CNTD1: variants seen among roughly 807,000 people sequenced by gnomAD.
CNTD1 encodes cyclin N-terminal domain-containing protein 1.
CNTD1 carries 17 observed loss-of-function variants against 36.3 expected under a neutral mutation model. That is an observed-to-expected ratio of 0.47 (90% CI 0.32 to 0.70). The LOEUF (loss-of-function observed/expected upper bound fraction) is 0.70, where lower values mean the gene tolerates loss of function less well. Among genes scored for constraint, CNTD1 ranks in the 30% least tolerant of loss-of-function variants. The probability of loss-of-function intolerance (pLI) is 0.03; values close to 1 mark genes in which losing one functional copy is unlikely to be tolerated. For synonymous variants in CNTD1, 128 were observed against 153.3 expected (o/e 0.83, Z 1.22); for missense variants, 338 against 386.1 (o/e 0.88, Z 1.04).
chr17:42,799,492 C>A (rs1487490538), intron 1 of CNTD1, among the ~76,000 whole-genome samples: 1 of 151,994 alleles, frequency 6.6e-6, no homozygotes, highest in African/African-American at 2.4e-5. Flanking sequence ...TGGCTTACAC[C>A]TGTAATCCCA....
intron 6 of CNTD1, 60 bp from the exon 7 acceptor site, chr17:42,809,305 T>C: frequency 7.1e-7 from 1 of 1,417,178 alleles, no homozygotes; most frequent in East Asian, 2.3e-5. Flanking sequence ...ATGTGTGTGT[T>C]TGTGCACTAA....
chr17:42,801,510 A>AAAT (rs1289580717), intron 1 of CNTD1, among the ~76,000 whole-genome samples: 61 of 54,342 alleles, frequency 1.1e-3, no homozygotes, highest in Non-Finnish European at 1.4e-3. Flanking sequence ...AAAAAAAAAA[A>AAAT]ATATATATAT....
Position 42,809,487 on chromosome 17 carries a change from C to A in CNTD1, c.945C>A (p.Pro315=), listed in dbSNP as rs752411123. ...CGGGGAGACAGCAGTCTATTCCTCC[C>A]CACCTGGCAGCCAGAGCTCTGAAGA... is the stretch of plus-strand genomic sequence containing the variant. ...NTPGRQQSIP[P]HLAARALKTV... is the part of the protein sequence containing the mutation. Residue 315 remains proline (P), a synonymous_variant, in exon 7 of 7, where the codon CCC becomes CCA. Transcript: ENST00000588408. 1 of 1,614,084 alleles carries A rather than the reference C, an allele frequency of 6.2e-7. No homozygotes were observed. Among genetic ancestry groups the A allele is most frequent in the African/African-American group, 1.3e-5 (1 of 74,946 alleles).
chr17:42,805,857 T>C lies in CNTD1; in HGVS notation c.553T>C (p.Tyr185His). 3.7e-6 allele frequency: 6 copies of C among 1,613,528 alleles called. No homozygotes were observed. Among genetic ancestry groups the C allele is most frequent in the Non-Finnish European group, 5.1e-6 (6 of 1,179,724 alleles). The change falls in exon 4 of 7, where the codon TAT (tyrosine) becomes CAT (histidine). Residue 185 changes from tyrosine to histidine, a missense_variant. By Grantham distance (83) the Tyr-to-His change is moderately conservative. Transcript: ENST00000588408. ...AATTAATCTGCCCACTCCCCTGGCA[T>C]ATGTGGAGACGCTCCTAGAGGTTTT... ...FRINLPTPLAYVETLLEVLGY... is the reference protein window; with the variant it reads ...FRINLPTPLAHVETLLEVLGY...
chr17:42,800,708 T>TA lies in CNTD1; in HGVS notation c.169+1473dup, dbSNP rs1223224797. ...GGGAGATGGGATGTAGGCAGACAGGTAGAGTCAATGTCAGTAGGCTAGGTG... is the reference window on the plus strand; with the variant it reads ...GGGAGATGGGATGTAGGCAGACAGGTAAGAGTCAATGTCAGTAGGCTAGGTG... On this transcript the variant is annotated intron_variant, in intron 1 of 6. Transcript: ENST00000588408. 7.9e-5 allele frequency among the ~76,000 whole-genome samples: 12 copies of TA among 152,074 alleles called. No individual in the cohort carries two copies. The East Asian group carries it at 2.3e-3, about 29-fold the overall frequency.
Position 42,799,038 on chromosome 17 carries a change from C to T in CNTD1, c.-30C>T, listed in dbSNP as rs747526574. On this transcript the variant is annotated 5_prime_UTR_variant, in exon 1 of 7. Coordinates refer to ENST00000588408, the MANE Select transcript of CNTD1 (RefSeq NM_173478.3). ...GGGTCGGTATGTGGATCCAGTGAACCCGTCCAGGTGCCCCAAGAGGCTCGT... is the reference window on the plus strand; with the variant it reads ...GGGTCGGTATGTGGATCCAGTGAACTCGTCCAGGTGCCCCAAGAGGCTCGT... The T allele has an allele frequency of 9.9e-6, 16 of 1,610,372 alleles. No individual in the cohort carries two copies. The highest frequency in any genetic ancestry group is 1.3e-5 in the Non-Finnish European group (15 of 1,178,342).
At chr17:42,801,473 G>T (rs2054781902) in intron 1 of CNTD1, among the ~76,000 whole-genome samples, 1 of 127,382 alleles carries the variant, frequency 7.9e-6, no homozygotes, top group African/African-American at 3.0e-5. Flanking sequence ...TCCAGCCTGG[G>T]TAACAGAGTG....
In CNTD1 at chr17:42,805,705, CTCTTT is replaced by C; in HGVS notation, c.418-11_418-7del. ...TTTATCCTAACATTCTTCTTTCCCT[CTCTTT>C]TCTTTGCTCAGATAATCAGCAACAT... On this transcript the variant is annotated splice_polypyrimidine_tract_variant and intron_variant, in intron 3 of 6. Coordinates refer to ENST00000588408, the MANE Select transcript of CNTD1 (RefSeq NM_173478.3). The C allele has an allele frequency of 1.2e-6, 2 of 1,604,954 alleles. No homozygotes were observed. The highest frequency in any genetic ancestry group is 1.7e-5 in the Admixed American group (1 of 58,456).
chr17:42,809,593 C>A lies in CNTD1; in HGVS notation c.*58C>A, dbSNP rs1304846993. 1.3e-6 allele frequency: 2 copies of A among 1,493,936 alleles called. No individual in the cohort carries two copies. Among genetic ancestry groups the A allele is most frequent in the African/African-American group, 1.4e-5 (1 of 72,268 alleles). The allele number at this position is 1,493,936 out of a possible 1,614,324, so 92.5% of individuals were successfully genotyped here. The stretch of plus-strand genomic sequence containing the variant: ...TCCGTCACTGCACTCATGCCTCCCT[C>A]TGTTTACTTTCATACTAAGGGTACA... On this transcript the variant is annotated 3_prime_UTR_variant, in exon 7 of 7. Transcript: ENST00000588408.
At position 42,811,387 on chromosome 17, in the gene CNTD1, T is replaced by G; in HGVS notation, c.*1852T>G. 2.7e-6 allele frequency: 1 copy of G among 364,128 alleles called. No individual in the cohort carries two copies. Among genetic ancestry groups the G allele is most frequent in the Non-Finnish European group, 4.9e-6 (1 of 205,470 alleles). 22.6% of individuals were successfully genotyped at this position (364,128 alleles called of 1,614,324 possible). On this transcript the variant is annotated 3_prime_UTR_variant, in exon 7 of 7. Transcript: ENST00000588408. Reference sequence around the variant, plus strand: ...TTTCCAAGGGCTTCAGGGAAAAACCTTCTTGAAACTGGAGAGGAGGCTTGA... The same window carrying G: ...TTTCCAAGGGCTTCAGGGAAAAACCGTCTTGAAACTGGAGAGGAGGCTTGA...
At chr17:42,800,104 T>C (rs116765024) in intron 1 of CNTD1, among the ~76,000 whole-genome samples, 2,279 of 143,874 alleles carry the variant, frequency 0.016, 85 homozygotes, top group South Asian at 0.1. Context: ...AAAAGAAAGA[T>C]GAAATAGAGA....
rs777096742 is a variant in CNTD1, at chr17:42,799,158, C to T, written c.91C>T (p.His31Tyr). Residue 31 changes from histidine (H) to tyrosine (Y), a missense_variant, in exon 1 of 7, where the codon CAC becomes TAC. Coordinates refer to ENST00000588408, the MANE Select transcript of CNTD1 (RefSeq NM_173478.3). ...AGAGACGATTGAAGACGCCCTGCTT[C>T]ACTTGGCCCAGCAGAATGAGCAAGC... ...ATETIEDALLHLAQQNEQAVR... is the reference protein window; with the variant it reads ...ATETIEDALLYLAQQNEQAVR... 6 of 1,613,970 alleles carry T rather than the reference C, an allele frequency of 3.7e-6. No individual in the cohort carries two copies. Among genetic ancestry groups the T allele is most frequent in the Non-Finnish European group, 5.1e-6 (6 of 1,180,024 alleles).
chr17:42,802,703 GA>G (rs2054815591), intron 1 of CNTD1, among the ~76,000 whole-genome samples: 1 of 152,136 alleles, frequency 6.6e-6, no homozygotes, highest in Non-Finnish European at 1.5e-5. Context: ...AATTTTCTAA[GA>G]AAGTTAAGTT....
Position 42,798,894 on chromosome 17 carries a change from T to C in CNTD1, c.-174T>C. On this transcript the variant is annotated 5_prime_UTR_variant, in exon 1 of 7. Coordinates refer to ENST00000588408, the MANE Select transcript of CNTD1 (RefSeq NM_173478.3). ...CGTGGCCGTTGGGGCGGGAAAAAGC[T>C]GTGGAGGGTTCGAGGCTGTGGTGGT... is the stretch of plus-strand genomic sequence containing the variant. 1 of 1,443,316 alleles carries C rather than the reference T, an allele frequency of 6.9e-7. No individual in the cohort carries two copies. The highest frequency in any genetic ancestry group is 9.1e-7 in the Non-Finnish European group (1 of 1,103,500). The allele number at this position is 1,443,316 out of a possible 1,614,324, so 89.4% of individuals were successfully genotyped here. A position where few individuals can be genotyped will look rare whatever the true frequency, so the allele number is the denominator to read the frequency against.
intron 3 of CNTD1, among the ~76,000 whole-genome samples, chr17:42,804,954 T>C (rs542419004): frequency 1.3e-5 from 2 of 152,034 alleles, no homozygotes; most frequent in Admixed American, 1.3e-4. Context: ...TTTCTCCCCC[T>C]CTCACTCACA....
chr17:42,810,669 G>T lies in CNTD1; in HGVS notation c.*1134G>T. ...TTTTTTGGTATTGTAAACATGTACTGTTTAATATTACCCGAATTTAATTTA... is the reference window on the plus strand; with the variant it reads ...TTTTTTGGTATTGTAAACATGTACTTTTTAATATTACCCGAATTTAATTTA... On this transcript the variant is annotated 3_prime_UTR_variant, in exon 7 of 7. Transcript: ENST00000588408. The T allele has an allele frequency of 7.2e-7, 1 of 1,392,130 alleles. No individual in the cohort carries two copies. The highest frequency in any genetic ancestry group is 9.7e-7 in the Non-Finnish European group (1 of 1,028,510). The allele number at this position is 1,392,130 out of a possible 1,614,324, so 86.2% of individuals were successfully genotyped here. A position where few individuals can be genotyped will look rare whatever the true frequency, so the allele number is the denominator to read the frequency against.
At chr17:42,801,633 T>A (rs987216425) in intron 1 of CNTD1, among the ~76,000 whole-genome samples, 3 of 148,232 alleles carry the variant, frequency 2.0e-5, no homozygotes, top group African/African-American at 7.4e-5. Context: ...TTGCAGAACA[T>A]CTAAAAGAAG....
At chr17:42,800,092 A>G (rs1429044101) in intron 1 of CNTD1, among the ~76,000 whole-genome samples, 3 of 143,040 alleles carry the variant, frequency 2.1e-5, no homozygotes, top group African/African-American at 8.6e-5. Flanking sequence ...AAAAAAAAAG[A>G]GAAAAGAAAG....
intron 1 of CNTD1, among the ~76,000 whole-genome samples, chr17:42,802,709 TAA>T (rs1203760460): frequency 2.0e-5 from 3 of 152,202 alleles, no homozygotes; most frequent in Admixed American, 2.0e-4. Context: ...CTAAGAAAGT[TAA>T]GTTTTCTCTG....
Sources: allele counts gnomAD v4.1 joint callset (sites outside exome capture counted in the v4.1 genomes callset), GRCh38; gene constraint gnomAD v4.1.1; transcripts MANE v1.5; gene names NCBI Gene and HGNC (gene_info 2026-07-23, HGNC 2026-07-21).